The following AGAP1 variants were observed in gnomAD, a reference collection of about 807,000 sequenced individuals.
AGAP1 encodes ArfGAP with GTPase domain, ankyrin repeat and PH domain 1, also known as arf-GAP with GTPase, ANK repeat and PH domain-containing protein 1.
Under a neutral mutation model 105.3 loss-of-function variants are expected in AGAP1, and 29 were observed. The observed-to-expected ratio is 0.28, with a 90% CI of 0.21 to 0.38. AGAP1 has a LOEUF of 0.38. Among genes scored for constraint, AGAP1 ranks in the 10% least tolerant of loss-of-function variants. The pLI is 1.00. For synonymous variants in AGAP1, 509 were observed against 485.9 expected (o/e 1.05, Z -0.63); for missense variants, 998 against 1,165.1 (o/e 0.86, Z 2.09).
rs548536575 is a variant in AGAP1 at position 236,061,322 on chromosome 2, C to T, written c.2114+12041C>T. The stretch of plus-strand genomic sequence containing the variant: ...CTCGAAAAGTTAAACCTAGAGTTAC[C>T]GTATGACCCAGCCATTCCTCCCCCA... On this transcript the variant is annotated intron_variant, in intron 16 of 17. Coordinates refer to ENST00000304032, the MANE Select transcript of AGAP1 (RefSeq NM_001037131.3). This position sits in a 1 kb window ranked among gnomAD's most constrained non-coding sequence, Gnocchi z 4.1. Among the ~76,000 whole-genome samples the T allele has an allele frequency of 1.4e-4, 22 of 152,094 alleles. No individual in the cohort carries two copies. Among genetic ancestry groups the T allele is most frequent in the Non-Finnish European group, 2.6e-4 (18 of 68,028 alleles).
chr2:235,728,601 G>A lies in AGAP1; in HGVS notation c.310+10957G>A, dbSNP rs1951776750. Among the ~76,000 whole-genome samples the A allele has an allele frequency of 6.6e-6, 1 of 152,088 alleles. No homozygotes were observed. Among genetic ancestry groups the A allele is most frequent in the Non-Finnish European group, 1.5e-5 (1 of 68,016 alleles). On this transcript the variant is annotated intron_variant, in intron 3 of 17. Transcript: ENST00000304032. The surrounding 1 kb of genome is among the most constrained non-coding windows in gnomAD (Gnocchi z 4.3). ...GCTGGTGCCTGCCCTGGGTCCGAAA[G>A]CTGGTGGTGGTCTGTTCTTGTTGTA...
In AGAP1 at chr2:235,883,287, T is replaced by C; in HGVS notation, c.1051-58T>C. 3 of 1,497,688 alleles carry C rather than the reference T, an allele frequency of 2.0e-6. No homozygotes were observed. Among genetic ancestry groups the C allele is most frequent in the Non-Finnish European group, 1.9e-6 (2 of 1,078,344 alleles). The allele number at this position is 1,497,688 out of a possible 1,614,324, so 92.8% of individuals were successfully genotyped here. A position where few individuals can be genotyped will look rare whatever the true frequency, so the allele number is the denominator to read the frequency against. ...TGAATGTATATGTTGCCTGTGTACC[T>C]GCCTTTTCTTTTTTTTATTTACATT... On this transcript the variant is annotated intron_variant, in intron 9 of 17. Transcript: ENST00000304032. The surrounding 1 kb of genome is among the most constrained non-coding windows in gnomAD (Gnocchi z 4.5).
At chr2:235,746,457 GCT>G (rs1320731002) in intron 5 of AGAP1, among the ~76,000 whole-genome samples, 3 of 124,988 alleles carry the variant, frequency 2.4e-5, no homozygotes, top group Non-Finnish European at 3.2e-5. Flanking sequence ...CAGAGCCAGA[GCT>G]CTGTTTAATC....
chr2:236,115,343 G>A (rs958814878), intron 16 of AGAP1, among the ~76,000 whole-genome samples: 1 of 150,798 alleles, frequency 6.6e-6, no homozygotes, highest in African/African-American at 2.4e-5. Context: ...TTTGACAGAT[G>A]AGGAAAAGAG....
intron 9 of AGAP1, among the ~76,000 whole-genome samples, chr2:235,834,566 C>A (rs1396463910): frequency 6.6e-6 from 1 of 152,174 alleles, no homozygotes; most frequent in Non-Finnish European, 1.5e-5. Flanking sequence ...ATATTCCATG[C>A]CTGCCTTGAG....
At chr2:236,034,720 G>A (rs183221928) in intron 13 of AGAP1, among the ~76,000 whole-genome samples, 157 of 152,320 alleles carry the variant, frequency 1.0e-3, no homozygotes, top group Non-Finnish European at 2.9e-4. Flanking sequence ...CACCCCAAGC[G>A]GGGCTAACCA....
chr2:235,700,862 T>C lies in AGAP1; in HGVS notation c.164-8317T>C, dbSNP rs979585303. Among the ~76,000 whole-genome samples the C allele has an allele frequency of 4.1e-5, 6 of 148,140 alleles. No homozygotes were observed. On this transcript the variant is annotated intron_variant, in intron 1 of 17. Transcript: ENST00000304032. The surrounding 1 kb of genome is among the most constrained non-coding windows in gnomAD (Gnocchi z 6.1). ...TATTATATATGTATATATTGTATACTCTACATAGTATATATTTATAATATA... is the reference window on the plus strand; with the variant it reads ...TATTATATATGTATATATTGTATACCCTACATAGTATATATTTATAATATA...
At chr2:236,103,900 G>A (rs575968321) in intron 16 of AGAP1, among the ~76,000 whole-genome samples, 4 of 152,310 alleles carry the variant, frequency 2.6e-5, no homozygotes, top group Admixed American at 2.6e-4. Context: ...CCGCCATCCT[G>A]TCTGGCTCCT....
At position 236,081,062 on chromosome 2, in the gene AGAP1, G is replaced by C. The variant is rs566737233; in HGVS notation, c.2114+31781G>C. Among the ~76,000 whole-genome samples, 9 of 152,272 alleles carry C rather than the reference G, an allele frequency of 5.9e-5. No homozygotes were observed. The South Asian group carries it at 1.9e-3, about 32-fold the overall frequency. On this transcript the variant is annotated intron_variant, in intron 16 of 17. Coordinates refer to ENST00000304032, the MANE Select transcript of AGAP1 (RefSeq NM_001037131.3). Reference sequence around the variant, plus strand: ...CTACCACATTATTCTGACCTCTGTAGATACTGTGGCCCATGTCATCAAACC... The same window carrying C: ...CTACCACATTATTCTGACCTCTGTACATACTGTGGCCCATGTCATCAAACC...
Position 235,830,545 on chromosome 2 carries a change from C to T in AGAP1, c.1050+23214C>T, listed in dbSNP as rs866806065. The stretch of plus-strand genomic sequence containing the variant: ...AGGTCCGTGTGCACCAGGAAGTTTA[C>T]AGTTCAGAAGTGTTGCATGCTGAGC... On this transcript the variant is annotated intron_variant, in intron 9 of 17. Transcript: ENST00000304032. This position sits in a 1 kb window ranked among gnomAD's most constrained non-coding sequence, Gnocchi z 5.5. 2.1e-4 allele frequency among the ~76,000 whole-genome samples: 31 copies of T among 151,020 alleles called. No homozygotes were observed. The highest frequency in any genetic ancestry group is 7.1e-4 in the African/African-American group (29 of 40,974).
At chr2:236,013,845 C>A (rs1157452519) in intron 13 of AGAP1, among the ~76,000 whole-genome samples, 1 of 152,194 alleles carries the variant, frequency 6.6e-6, no homozygotes, top group African/African-American at 2.4e-5. Context: ...AGTTGAGCCA[C>A]CCTGTTTAAC....
Position 235,608,318 on chromosome 2 carries a change from G to A in AGAP1, c.164-100861G>A, listed in dbSNP as rs564460351. 3.9e-5 allele frequency among the ~76,000 whole-genome samples: 6 copies of A among 152,298 alleles called. No individual in the cohort carries two copies. The South Asian group carries it at 1.2e-3, about 32-fold the overall frequency. Reference sequence around the variant, plus strand: ...GCCGTATTCTGTAAAATTCCATTGTGTCTTTTTTTCCCCCAAGTAATCTGG... The same window carrying A: ...GCCGTATTCTGTAAAATTCCATTGTATCTTTTTTTCCCCCAAGTAATCTGG... On this transcript the variant is annotated intron_variant, in intron 1 of 17. Coordinates refer to ENST00000304032, the MANE Select transcript of AGAP1 (RefSeq NM_001037131.3). The surrounding 1 kb of genome is among the most constrained non-coding windows in gnomAD (Gnocchi z 5.4).
chr2:235,581,805 C>CA (rs937779684), intron 1 of AGAP1, among the ~76,000 whole-genome samples: 20 of 149,632 alleles, frequency 1.3e-4, no homozygotes, highest in South Asian at 2.1e-4. Context: ...ATTCCATCTT[C>CA]AAAAAAAAAG....
At position 235,875,472 on chromosome 2, in the gene AGAP1, C is replaced by T. The variant is rs563483798; in HGVS notation, c.1051-7873C>T. Among the ~76,000 whole-genome samples the T allele has an allele frequency of 2.6e-5, 4 of 152,264 alleles. No individual in the cohort carries two copies. Among genetic ancestry groups the T allele is most frequent in the South Asian group, 2.1e-4 (1 of 4,814 alleles). On this transcript the variant is annotated intron_variant, in intron 9 of 17. Coordinates refer to ENST00000304032, the MANE Select transcript of AGAP1 (RefSeq NM_001037131.3). The surrounding 1 kb of genome is among the most constrained non-coding windows in gnomAD (Gnocchi z 4.0). ...ACCCAGCACAGGTCTGTGATGCCCA[C>T]GAGGCTGTGCGGCTCAGGGCCAGGT...
At chr2:235,757,642 C>T (rs1169269137) in intron 6 of AGAP1, among the ~76,000 whole-genome samples, 2 of 152,188 alleles carry the variant, frequency 1.3e-5, no homozygotes, top group African/African-American at 4.8e-5. Context: ...AACGGCTCAC[C>T]TGGGCCTATC....
intron 9 of AGAP1, among the ~76,000 whole-genome samples, chr2:235,849,347 A>G (rs1961880758): frequency 6.6e-6 from 1 of 152,192 alleles, no homozygotes; most frequent in Non-Finnish European, 1.5e-5. Context: ...TACACATATT[A>G]CTATAATTAA....
chr2:236,034,719 C>A (rs1029006775), intron 13 of AGAP1, among the ~76,000 whole-genome samples: 5 of 152,216 alleles, frequency 3.3e-5, no homozygotes, highest in Non-Finnish European at 7.3e-5. Context: ...ACACCCCAAG[C>A]GGGGCTAACC....
At chr2:235,771,500 A>G (rs375545270) in intron 6 of AGAP1, among the ~76,000 whole-genome samples, 41 of 152,276 alleles carry the variant, frequency 2.7e-4, no homozygotes, top group East Asian at 2.3e-3. Flanking sequence ...GTGGCTTTTC[A>G]ACTGGAGACA....
chr2:235,731,014 G>T (rs1445600930), intron 3 of AGAP1, among the ~76,000 whole-genome samples: 7 of 152,086 alleles, frequency 4.6e-5, no homozygotes, highest in African/African-American at 1.4e-4. Flanking sequence ...ACATGAGTCA[G>T]TTTCCTTCTG....
Sources: gnomAD v4.1 joint callset for allele counts (sites outside exome capture counted in the v4.1 genomes callset) on GRCh38, gnomAD v4.1.1 for gene constraint, Gnocchi (gnomAD v3.1) non-coding constraint, MANE v1.5 for transcripts, NCBI Gene and HGNC (gene_info 2026-07-23, HGNC 2026-07-21) for gene names.